Variants in CHODL observed in about 807,000 individuals in gnomAD.
CHODL encodes chondrolectin, also known as transmembrane protein MT75.
CHODL carries 29 observed loss-of-function variants against 34.5 expected under a neutral mutation model. That is an observed-to-expected ratio of 0.84 (90% confidence interval 0.63 to 1.15). CHODL has a LOEUF of 1.15. CHODL is among the 50% of genes most tolerant of loss of function. The pLI is 0.00. For synonymous variants in CHODL, 125 were observed against 116.1 expected (o/e 1.08, Z -0.49); for missense variants, 332 against 332.5 (o/e 1.00, Z 0.01).
chr21:18,134,650 T>C (rs532960241), intron 2 of CHODL, among the ~76,000 whole-genome samples: 11 of 152,334 alleles, frequency 7.2e-5, no homozygotes, highest in African/African-American at 2.6e-4. Context: ...ATTTCTTCCC[T>C]TTTCAGCTAT....
chr21:17,976,258 G>A (rs552689827), intron 1 of CHODL, among the ~76,000 whole-genome samples: 1 of 116,748 alleles, frequency 8.6e-6, no homozygotes, highest in South Asian at 3.2e-4. Context: ...GTGACACAGT[G>A]AGACCATCTC....
intron 2 of CHODL, among the ~76,000 whole-genome samples, chr21:18,151,564 C>CA (rs1272475975): frequency 1.3e-5 from 2 of 152,034 alleles, no homozygotes; most frequent in Non-Finnish European, 2.9e-5. Flanking sequence ...TAATCAAATC[C>CA]AAAAAACGGG....
intron 2 of CHODL, among the ~76,000 whole-genome samples, chr21:18,215,631 A>G (rs1229678150): frequency 6.6e-6 from 1 of 152,200 alleles, no homozygotes. Flanking sequence ...TATATTTAGC[A>G]TATTTAGCTT....
chr21:18,107,961 G>A (rs1421890210), intron 2 of CHODL, among the ~76,000 whole-genome samples: 1 of 152,132 alleles, frequency 6.6e-6, no homozygotes, highest in South Asian at 2.1e-4. Flanking sequence ...ATAATTACAG[G>A]TTATGTTCGT....
At chr21:18,192,075 A>T (rs965244640) in intron 2 of CHODL, among the ~76,000 whole-genome samples, 2 of 151,806 alleles carry the variant, frequency 1.3e-5, no homozygotes, top group African/African-American at 4.8e-5. Flanking sequence ...TGTCATTGAA[A>T]CCCTCTGGAA....
intron 2 of CHODL, among the ~76,000 whole-genome samples, chr21:18,039,677 A>G (rs1303865829): frequency 1.3e-5 from 2 of 151,758 alleles, no homozygotes; most frequent in Non-Finnish European, 3.0e-5. Flanking sequence ...GAGATCCTGA[A>G]TATAAATTAC....
chr21:17,947,004 A>T (rs1330280893), intron 1 of CHODL, among the ~76,000 whole-genome samples: 2 of 151,816 alleles, frequency 1.3e-5, no homozygotes, highest in Admixed American at 1.3e-4. Context: ...CTTGCTTTTT[A>T]TTTTTGTATA....
At chr21:18,115,025 G>A (rs1003323864) in intron 2 of CHODL, 5 of 152,238 alleles carry the variant, frequency 3.3e-5, no homozygotes, top group African/African-American at 4.8e-5. Flanking sequence ...CTAAATAAAT[G>A]CTGTTGCTTC....
chr21:18,164,960 T>A (rs777886470), intron 2 of CHODL, among the ~76,000 whole-genome samples: 24 of 152,220 alleles, frequency 1.6e-4, no homozygotes, highest in Admixed American at 2.6e-4. Flanking sequence ...CTTGAATATC[T>A]GGAACATGTC....
chr21:17,997,966 C>G (rs1329402947), intron 1 of CHODL, among the ~76,000 whole-genome samples: 1 of 152,152 alleles, frequency 6.6e-6, no homozygotes, highest in Non-Finnish European at 1.5e-5. Context: ...CCCCCAAAGT[C>G]TTAACTCATT....
intron 1 of CHODL, among the ~76,000 whole-genome samples, chr21:17,947,406 C>G (rs1335168079): frequency 6.6e-6 from 1 of 151,908 alleles, no homozygotes; most frequent in Non-Finnish European, 1.5e-5. Flanking sequence ...TACAAAGCTC[C>G]CAAACAGCAA....
intron 2 of CHODL, among the ~76,000 whole-genome samples, chr21:18,127,672 GTT>G (rs71318127): frequency 1.1e-3 from 78 of 70,036 alleles, no homozygotes; most frequent in South Asian, 3.7e-3. Context: ...CGTTGCCATT[GTT>G]TTTTTTTTTT....
rs189997388 is a variant in CHODL, at chr21:17,963,312, T to C, written c.-145+45912T>C. ...GAAAAATGTTAGATTGGAAAAATGA[T>C]ACTAGAAGAAGGCACCATCATAGTT... On this transcript the variant is annotated intron_variant, in intron 1 of 6. Transcript: ENST00000400127. Among the ~76,000 whole-genome samples, 13 of 152,258 alleles carry C rather than the reference T, an allele frequency of 8.5e-5. 1 individual carries two copies. Among genetic ancestry groups the C allele is most frequent in the Admixed American group, 3.3e-4 (5 of 15,288 alleles).
At chr21:18,259,706 G>A (rs1335136382) in intron 3 of CHODL, among the ~76,000 whole-genome samples, 2 of 152,170 alleles carry the variant, frequency 1.3e-5, no homozygotes, top group East Asian at 1.9e-4. Flanking sequence ...GGCTTAGAAC[G>A]TTGTTACTTG....
chr21:18,078,620 A>G (rs747167968), intron 2 of CHODL, among the ~76,000 whole-genome samples: 3 of 152,180 alleles, frequency 2.0e-5, no homozygotes, highest in Non-Finnish European at 4.4e-5. Flanking sequence ...TTATATTTTT[A>G]TCAGTTAATA....
chr21:18,198,909 C>T (rs184820700), intron 2 of CHODL, among the ~76,000 whole-genome samples: 2 of 152,054 alleles, frequency 1.3e-5, no homozygotes, highest in African/African-American at 4.8e-5. Context: ...AACAATTGTT[C>T]TTAAATATAC....
intron 2 of CHODL, among the ~76,000 whole-genome samples, chr21:18,151,554 T>C (rs1349731791): frequency 6.6e-6 from 1 of 152,186 alleles, no homozygotes; most frequent in African/African-American, 2.4e-5. Flanking sequence ...TTTAGCAATT[T>C]AATCAAATCC....
At chr21:18,167,422 G>T (rs2073172323) in intron 2 of CHODL, among the ~76,000 whole-genome samples, 1 of 148,182 alleles carries the variant, frequency 6.7e-6, no homozygotes, top group Admixed American at 6.9e-5. Context: ...CCATTCTCCT[G>T]CCTCAGCCTC....
chr21:18,062,903 G>A (rs1347229983), intron 2 of CHODL, among the ~76,000 whole-genome samples: 1 of 151,872 alleles, frequency 6.6e-6, no homozygotes, highest in African/African-American at 2.4e-5. Context: ...GAGAAAGAGA[G>A]GGAAAGGACA....
Sources: gnomAD v4.1 joint callset for allele counts (sites outside exome capture counted in the v4.1 genomes callset) on GRCh38, gnomAD v4.1.1 for gene constraint, MANE v1.5 for transcripts, NCBI Gene and HGNC (gene_info 2026-07-23, HGNC 2026-07-21) for gene names.